Variants in IRS2 observed in about 807,000 individuals in gnomAD.
The protein encoded by IRS2 is insulin receptor substrate 2.
Under a neutral mutation model 70.9 loss-of-function variants are expected in IRS2, and 28 were observed. The observed-to-expected ratio is 0.39, with a 90% CI of 0.29 to 0.54. IRS2 has a LOEUF of 0.54. Ranked by LOEUF, IRS2 falls within the 20% of genes least tolerant of loss-of-function variation. The pLI, the probability that IRS2 is intolerant of heterozygous loss-of-function variation, is 0.59. For synonymous variants in IRS2, 1,217 were observed against 981.9 expected (o/e 1.24, Z -4.48); for missense variants, 2,081 against 2,024.1 (o/e 1.03, Z -0.54).
chr13:109,784,026 C>A lies in IRS2; in HGVS notation c.2028G>T (p.Met676Ile). ...GSGSCRSDDYMPMSPASVSAP... is the reference protein window; with the variant it reads ...GSGSCRSDDYIPMSPASVSAP... ...CGGACACGCTGGCGGGGCTCATGGG[C>A]ATGTAGTCGTCGCTCCTGCAGCTGC... The change falls in exon 1 of 2, where the codon ATG becomes ATT. Residue 676 changes from methionine (M) to isoleucine (I), a missense_variant. Transcript: ENST00000375856. This position sits in a 1 kb window ranked among gnomAD's most constrained non-coding sequence, Gnocchi z 5.2. The A allele has an allele frequency of 1.3e-6, 2 of 1,539,414 alleles. No individual in the cohort carries two copies. The highest frequency in any genetic ancestry group is 2.0e-5 in the Admixed American group (1 of 51,178).
In IRS2 at chr13:109,785,495, C is replaced by G; in HGVS notation, c.559G>C (p.Val187Leu). Residue 187 changes from valine to leucine, a missense_variant, in exon 1 of 2, where the codon GTG becomes CTG. By Grantham distance (32) the Val-to-Leu change is conservative (BLOSUM62 1). Coordinates refer to ENST00000375856, the MANE Select transcript of IRS2 (RefSeq NM_003749.3). This position sits in a 1 kb window ranked among gnomAD's most constrained non-coding sequence, Gnocchi z 9.3. ...CGGTAGGCGGCCGTGGCGGGAGCCA[C>G]CAGCCCGTAGCTGTCCTCGGCCCCG... ...AAGAEDSYGL[V>L]APATAAYREV... The G allele has an allele frequency of 1.9e-6, 3 of 1,611,362 alleles. No homozygotes were observed. Among genetic ancestry groups the G allele is most frequent in the Non-Finnish European group, 2.5e-6 (3 of 1,179,522 alleles).
Position 109,784,807 on chromosome 13 carries a change from A to C in IRS2, c.1247T>G (p.Val416Gly), listed in dbSNP as rs1413208707. The C allele has an allele frequency of 7.8e-7, 1 of 1,274,284 alleles. No homozygotes were observed. The highest frequency in any genetic ancestry group is 1.0e-6 in the Non-Finnish European group (1 of 1,003,598). 78.9% of individuals were successfully genotyped at this position (1,274,284 alleles called of 1,614,324 possible). The part of the protein sequence containing the change: ...SGGCGGRGSK[V>G]ALLPAGGALQ... ...CGCGCCCCCTGCCGGCAGCAGCGCC[A>C]CCTTGCTCCCGCGGCCGCCGCAGCC... Residue 416 changes from valine to glycine, a missense_variant, in exon 1 of 2, where the codon GTG (valine) becomes GGG (glycine). This residue lies in a region of IRS2 where 1,615 missense variants were observed against 1,459.5 expected (regional missense o/e 1.11). Transcript: ENST00000375856. The surrounding 1 kb of genome is among the most constrained non-coding windows in gnomAD (Gnocchi z 5.2).
chr13:109,779,846 G>A (rs1017324793), intron 1 of IRS2, among the ~76,000 whole-genome samples: 1 of 152,280 alleles, frequency 6.6e-6, no homozygotes, highest in East Asian at 1.9e-4. Context: ...TCAGAATCAA[G>A]AATCCTATGG....
intron 1 of IRS2, among the ~76,000 whole-genome samples, chr13:109,775,181 C>T (rs1485730347): frequency 4.1e-5 from 6 of 145,616 alleles, no homozygotes; most frequent in African/African-American, 7.7e-5. Flanking sequence ...TACAGTGTCG[C>T]GATCTCAGCT....
rs947578164 is a variant in IRS2 at position 109,755,144 on chromosome 13, T to G, written c.*1160A>C. On this transcript the variant is annotated 3_prime_UTR_variant, in exon 2 of 2. Transcript: ENST00000375856. ...AAGTAACATGTACTGCGAGATTGCT[T>G]TTCTTCTTTTTCTTTTTCCATCAAT... The G allele has an allele frequency of 2.6e-5, 6 of 232,616 alleles. No homozygotes were observed. The highest frequency in any genetic ancestry group is 1.1e-4 in the African/African-American group (5 of 45,298). The allele number at this position is 232,616 out of a possible 1,614,324, so 14.4% of individuals were successfully genotyped here.
chr13:109,755,233 G>GTTTTT lies in IRS2; in HGVS notation c.*1066_*1070dup, dbSNP rs57032199. On this transcript the variant is annotated 3_prime_UTR_variant, in exon 2 of 2. Transcript: ENST00000375856. ...TCTTTCCTTTTTTTTTTTTCTTTTT[G>GTTTTT]TTTTTTTTGTTCAGGGCAGCCTCAC... 4.9e-6 allele frequency: 1 copy of GTTTTT among 206,180 alleles called. No individual in the cohort carries two copies. The highest frequency in any genetic ancestry group is 9.4e-6 in the Non-Finnish European group (1 of 106,756). 12.8% of individuals were successfully genotyped at this position (206,180 alleles called of 1,614,324 possible). A position where few individuals can be genotyped will look rare whatever the true frequency, so the allele number is the denominator to read the frequency against.
intron 1 of IRS2, among the ~76,000 whole-genome samples, chr13:109,767,451 G>A (rs1594382128): frequency 1.3e-5 from 2 of 152,140 alleles, no homozygotes; most frequent in African/African-American, 2.4e-5. Context: ...TTTCCTACAC[G>A]AAAAGGAAGT....
rs1444427299 is a variant in IRS2 at position 109,783,968 on chromosome 13, C to T, written c.2086G>A (p.Ala696Thr). 6.6e-7 allele frequency: 1 copy of T among 1,514,276 alleles called. No homozygotes were observed. The highest frequency in any genetic ancestry group is 1.3e-5 in the South Asian group (1 of 79,868). 93.8% of individuals were successfully genotyped at this position (1,514,276 alleles called of 1,614,324 possible). A position where few individuals can be genotyped will look rare whatever the true frequency, so the allele number is the denominator to read the frequency against. The change falls in exon 1 of 2, where the codon GCC becomes ACC. Residue 696 changes from alanine (A) to threonine (T), a missense_variant. This residue lies in a region of IRS2 where 1,615 missense variants were observed against 1,459.5 expected (regional missense o/e 1.11). Coordinates refer to ENST00000375856, the MANE Select transcript of IRS2 (RefSeq NM_003749.3). ...GAAGGCACGGCGGCGGCGGCGGCGG[C>T]GGCGGCCCTGGGCTGCAAGATCTGC... ...PKQILQPRAA[A>T]AAAAAVPSAG...
chr13:109,760,098 T>C (rs1050720822), intron 1 of IRS2, among the ~76,000 whole-genome samples: 1 of 152,206 alleles, frequency 6.6e-6, no homozygotes, highest in African/African-American at 2.4e-5. Context: ...TTAAATATGA[T>C]CAAACTTCAG....
intron 1 of IRS2, among the ~76,000 whole-genome samples, chr13:109,770,288 C>A (rs1468622100): frequency 6.6e-6 from 1 of 152,168 alleles, no homozygotes; most frequent in African/African-American, 2.4e-5. Flanking sequence ...CAAAAAGGAG[C>A]CAAGAAACCT....
In IRS2 at chr13:109,783,974, C is replaced by CGGCGGCGG; in HGVS notation, c.2079_2080insCCGCCGCC (p.Ala694ProfsTer136). On this transcript the variant is annotated frameshift_variant, in exon 1 of 2. Coordinates refer to ENST00000375856, the MANE Select transcript of IRS2 (RefSeq NM_003749.3). LOFTEE classifies it high-confidence loss of function. ...ACGGCGGCGGCGGCGGCGGCGGCGG[C>CGGCGGCGG]CCTGGGCTGCAAGATCTGCTTGGGG... 1 of 1,524,892 alleles carries CGGCGGCGG rather than the reference C, an allele frequency of 6.6e-7. No homozygotes were observed. Among genetic ancestry groups the CGGCGGCGG allele is most frequent in the South Asian group, 1.2e-5 (1 of 82,048 alleles). The allele number at this position is 1,524,892 out of a possible 1,614,324, so 94.5% of individuals were successfully genotyped here.
At chr13:109,771,375 T>C (rs1260429457) in intron 1 of IRS2, among the ~76,000 whole-genome samples, 1 of 152,198 alleles carries the variant, frequency 6.6e-6, no homozygotes, top group Non-Finnish European at 1.5e-5. Context: ...GAAACTGCAA[T>C]TAAAATAAAT....
chr13:109,785,685 G>T lies in IRS2; in HGVS notation c.369C>A (p.Ala123=). The T allele has an allele frequency of 6.3e-7, 1 of 1,599,054 alleles. No individual in the cohort carries two copies. The highest frequency in any genetic ancestry group is 8.5e-7 in the Non-Finnish European group (1 of 1,176,774). ...GCTCCTGCTCGTTCTCGGCGGCCACGGCGAAGTACTCGTCCTTGGTGTAGA... is the reference window on the plus strand; with the variant it reads ...GCTCCTGCTCGTTCTCGGCGGCCACTGCGAAGTACTCGTCCTTGGTGTAGA... ...IALYTKDEYF[A]VAAENEQEQE... Residue 123 remains alanine (A), a synonymous_variant, in exon 1 of 2, where the codon GCC becomes GCA. Coordinates refer to ENST00000375856, the MANE Select transcript of IRS2 (RefSeq NM_003749.3). This position sits in a 1 kb window ranked among gnomAD's most constrained non-coding sequence, Gnocchi z 9.3.
At position 109,756,127 on chromosome 13, in the gene IRS2, G is replaced by A. The variant is rs1877102223; in HGVS notation, c.*177C>T. ...CATCCGGGAACAAGGGAAAGAGGCA[G>A]GTGACCTTGCCTTGTTGGTGCCTCA... is the stretch of plus-strand genomic sequence containing the variant. On this transcript the variant is annotated 3_prime_UTR_variant, in exon 2 of 2. Transcript: ENST00000375856. 3.3e-6 allele frequency: 2 copies of A among 609,792 alleles called. No individual in the cohort carries two copies. The highest frequency in any genetic ancestry group is 6.0e-6 in the Non-Finnish European group (2 of 334,778). The allele number at this position is 609,792 out of a possible 1,614,324, so 37.8% of individuals were successfully genotyped here.
At chr13:109,777,473 C>G (rs1034672882) in intron 1 of IRS2, among the ~76,000 whole-genome samples, 1 of 152,078 alleles carries the variant, frequency 6.6e-6, no homozygotes. Flanking sequence ...AATAAAATAT[C>G]AATTCTCTAC....
chr13:109,756,782 G>A (rs915979447), intron 1 of IRS2, among the ~76,000 whole-genome samples: 4 of 152,142 alleles, frequency 2.6e-5, no homozygotes, highest in Non-Finnish European at 5.9e-5. Context: ...ACAATGCTCT[G>A]TAAACTATGT....
intron 1 of IRS2, among the ~76,000 whole-genome samples, chr13:109,760,716 G>A (rs1464382483): frequency 6.6e-6 from 1 of 152,168 alleles, no homozygotes; most frequent in Non-Finnish European, 1.5e-5. Flanking sequence ...AAATGAAGGA[G>A]AGAGCTGTCA....
chr13:109,759,660 C>A (rs1210736240), intron 1 of IRS2, among the ~76,000 whole-genome samples: 2 of 147,392 alleles, frequency 1.4e-5, no homozygotes, highest in Non-Finnish European at 3.0e-5. Context: ...GTCTCAAATA[C>A]CTTTTTCCAA....
chr13:109,783,273 G>A lies in IRS2; in HGVS notation c.2781C>T (p.Pro927=). The change falls in exon 1 of 2, where the codon CCC becomes CCT. Residue 927 remains proline, a synonymous_variant. Coordinates refer to ENST00000375856, the MANE Select transcript of IRS2 (RefSeq NM_003749.3). ...GEYINIDFGE[P]GARLSPPAPP... is the part of the protein sequence containing the mutation. ...GCGCGGGCGGCGACAGGCGGGCCCC[G>A]GGCTCGCCAAAGTCGATGTTGATGT... The A allele has an allele frequency of 6.8e-7, 1 of 1,460,086 alleles. No individual in the cohort carries two copies. Among genetic ancestry groups the A allele is most frequent in the Non-Finnish European group, 9.0e-7 (1 of 1,111,656 alleles). 90.4% of individuals were successfully genotyped at this position (1,460,086 alleles called of 1,614,324 possible). A position where few individuals can be genotyped will look rare whatever the true frequency, so the allele number is the denominator to read the frequency against.
Sources: allele counts gnomAD v4.1 joint callset (sites outside exome capture counted in the v4.1 genomes callset), GRCh38; gene constraint gnomAD v4.1.1; regional missense constraint gnomAD v4.1.1; non-coding constraint Gnocchi (gnomAD v3.1); transcripts MANE v1.5; gene names NCBI Gene and HGNC (gene_info 2026-07-23, HGNC 2026-07-21).